The following FAM107A variants were observed in gnomAD, a reference collection of about 807,000 sequenced individuals.
The protein encoded by FAM107A is family with sequence similarity 107 member A.
FAM107A carries 19 observed loss-of-function variants against 13.7 expected under a neutral mutation model. That is an observed-to-expected ratio of 1.38 (90% CI 0.97 to 2.03). The LOEUF (loss-of-function observed/expected upper bound fraction) is 2.03. FAM107A is among the 30% of genes most tolerant of loss of function. The probability of loss-of-function intolerance (pLI) is 0.00; values close to 1 mark genes in which losing one functional copy is unlikely to be tolerated. For synonymous variants in FAM107A, 82 were observed against 74.5 expected (o/e 1.10, Z -0.52); for missense variants, 203 against 184.4 (o/e 1.10, Z -0.58).
chr3:58,596,766 C>A (rs1318177787), intron 1 of FAM107A, among the ~76,000 whole-genome samples: 1 of 152,046 alleles, frequency 6.6e-6, no homozygotes, highest in Non-Finnish European at 1.5e-5. Flanking sequence ...ATAACCACCT[C>A]CAAGATCAAG....
chr3:58,627,184 G>A (rs1468682912), intron 1 of FAM107A: 1 of 601,718 alleles, frequency 1.7e-6, no homozygotes, highest in Non-Finnish European at 2.9e-6. Context: ...GCCTCAGACA[G>A]GCTTAGGGCG....
intron 1 of FAM107A, among the ~76,000 whole-genome samples, chr3:58,594,585 T>G (rs1054431757): frequency 1.3e-5 from 2 of 152,242 alleles, no homozygotes; most frequent in African/African-American, 2.4e-5. Context: ...GTCTACCTTG[T>G]TAATTGGACA....
upstream of FAM107A, among the ~76,000 whole-genome samples, chr3:58,590,850 T>G (rs556144274): frequency 6.6e-6 from 1 of 152,308 alleles, no homozygotes; most frequent in Non-Finnish European, 1.5e-5. Flanking sequence ...CTCCTTCAAG[T>G]CGTTCTCCAC....
At chr3:58,574,306 C>G (rs914958384) in intron 1 of FAM107A, 7 of 152,204 alleles carry the variant, frequency 4.6e-5, no homozygotes, top group Admixed American at 4.6e-4. Context: ...TGCCTGAGTC[C>G]CACCACAGGG....
chr3:58,571,563 C>T (rs546016539), intron 1 of FAM107A, among the ~76,000 whole-genome samples: 15 of 152,178 alleles, frequency 9.9e-5, no homozygotes, highest in East Asian at 9.7e-4. Flanking sequence ...AATGGGCACT[C>T]GACAAAATAC....
intron 3 of FAM107A, 112 bp from the exon 4 acceptor site, chr3:58,566,807 T>C: frequency 7.6e-6 from 6 of 785,460 alleles, no homozygotes; most frequent in Non-Finnish European, 1.3e-5. Flanking sequence ...AGAACCAACC[T>C]GGGGATGAGT....
At chr3:58,576,187 G>A (rs1258405209) in intron 1 of FAM107A, among the ~76,000 whole-genome samples, 1 of 152,168 alleles carries the variant, frequency 6.6e-6, no homozygotes, top group East Asian at 1.9e-4. Flanking sequence ...GTCGATGCTC[G>A]GAAGCCCCCA....
intron 1 of FAM107A, among the ~76,000 whole-genome samples, chr3:58,574,868 A>G (rs1490333845): frequency 1.3e-5 from 2 of 152,198 alleles, no homozygotes; most frequent in Admixed American, 6.5e-5. Context: ...GGCTCAGCAG[A>G]GATCACTGCT....
rs573172889 is a variant in FAM107A, at chr3:58,604,178, G to A, written c.-69-14909C>T. Among the ~76,000 whole-genome samples the A allele has an allele frequency of 9.2e-5, 14 of 152,166 alleles. No individual in the cohort carries two copies. The highest frequency in any genetic ancestry group is 3.1e-4 in the African/African-American group (13 of 41,506). On this transcript the variant is annotated intron_variant, in intron 1 of 3. Coordinates refer to the FAM107A transcript ENST00000465970. This position sits in a 1 kb window ranked among gnomAD's most constrained non-coding sequence, Gnocchi z 4.1. Reference sequence around the variant, plus strand: ...AAAGGTCCCTGAAGATTGTACTCTCGGTGGAGCTGGTTGCTAGGAGACATT... The same window carrying A: ...AAAGGTCCCTGAAGATTGTACTCTCAGTGGAGCTGGTTGCTAGGAGACATT...
intron 1 of FAM107A, among the ~76,000 whole-genome samples, chr3:58,620,592 G>T (rs1397621901): frequency 1.3e-5 from 2 of 152,260 alleles, no homozygotes; most frequent in Middle Eastern, 3.2e-3. Context: ...TTTAGTCTTG[G>T]AAGAGGCGGT....
upstream of FAM107A, among the ~76,000 whole-genome samples, chr3:58,579,657 G>A (rs1018689619): frequency 3.3e-5 from 5 of 152,168 alleles, no homozygotes; most frequent in African/African-American, 1.2e-4. Flanking sequence ...CAATCCCAGT[G>A]CCTTCTAACA....
At chr3:58,612,909 G>A (rs1383599650) in intron 1 of FAM107A, among the ~76,000 whole-genome samples, 1 of 150,190 alleles carries the variant, frequency 6.7e-6, no homozygotes, top group African/African-American at 2.5e-5. Flanking sequence ...TTTTTATTGT[G>A]CCAGCAGCCA....
At chr3:58,576,429 G>T (rs1488725898) in intron 1 of FAM107A, among the ~76,000 whole-genome samples, 2 of 152,242 alleles carry the variant, frequency 1.3e-5, no homozygotes, top group Non-Finnish European at 2.9e-5. Context: ...TGGAATCCCT[G>T]CTGGCTCATT....
intron 1 of FAM107A, among the ~76,000 whole-genome samples, chr3:58,612,942 A>AG (rs11369157): frequency 0.27 from 40,854 of 151,836 alleles, 6,992 homozygotes; most frequent in African/African-American, 0.5. Context: ...CCTTTCTAGG[A>AG]GCAACTCTAG....
chr3:58,616,665 G>T (rs1357330907), intron 1 of FAM107A, among the ~76,000 whole-genome samples: 1 of 151,986 alleles, frequency 6.6e-6, no homozygotes, highest in Non-Finnish European at 1.5e-5. Context: ...TAAGAGAAGG[G>T]CATGGAACAG....
intron 1 of FAM107A, among the ~76,000 whole-genome samples, chr3:58,622,173 T>C (rs766427484): frequency 5.3e-5 from 8 of 152,162 alleles, no homozygotes; most frequent in Middle Eastern, 3.2e-3. Flanking sequence ...AGGGCTGGGC[T>C]CACACCTGTA....
Position 58,587,054 on chromosome 3 carries a change from G to A in FAM107A, c.-118C>T, listed in dbSNP as rs2065614788. 1.0e-5 allele frequency: 14 copies of A among 1,368,036 alleles called. No homozygotes were observed. In the South Asian group the frequency reaches 2.2e-4, roughly 21 times the overall value. The allele number at this position is 1,368,036 out of a possible 1,614,324, so 84.7% of individuals were successfully genotyped here. A position where few individuals can be genotyped will look rare whatever the true frequency, so the allele number is the denominator to read the frequency against. ...GACGCGGCCCCAAGTCCCAAACCCC[G>A]CTGAGGGTCAAGTTACGGCGGCGGC... On this transcript the variant is annotated 5_prime_UTR_variant, in exon 1 of 4. Coordinates refer to the FAM107A transcript ENST00000447756.
At chr3:58,578,450 C>G (rs1009917193), upstream of FAM107A, among the ~76,000 whole-genome samples, 1 of 151,604 alleles carries the variant, frequency 6.6e-6, no homozygotes, top group Non-Finnish European at 1.5e-5. Context: ...CACCTGTAAT[C>G]CCAGCTACCT....
intron 1 of FAM107A, among the ~76,000 whole-genome samples, chr3:58,598,696 C>T (rs962981884): frequency 6.6e-6 from 1 of 152,212 alleles, no homozygotes; most frequent in Non-Finnish European, 1.5e-5. Context: ...CCCAGCCATG[C>T]CCCAATCTCA....
Sources: gnomAD v4.1 joint callset for allele counts (sites outside exome capture counted in the v4.1 genomes callset) on GRCh38, gnomAD v4.1.1 for gene constraint, Gnocchi (gnomAD v3.1) non-coding constraint, MANE v1.5 for transcripts, NCBI Gene and HGNC (gene_info 2026-07-23, HGNC 2026-07-21) for gene names.